The following VWA2 variants were observed in gnomAD, a reference collection of about 807,000 sequenced individuals.
VWA2 encodes von Willebrand factor A domain containing 2.
Under a neutral mutation model 70.4 loss-of-function variants are expected in VWA2, and 73 were observed. The ratio of observed to expected loss-of-function variants is 1.04; its 90% confidence interval spans 0.86 to 1.26. VWA2 has a LOEUF of 1.26. Among genes scored for constraint, VWA2 ranks in the 50% most tolerant of loss-of-function variants. The pLI, the probability that VWA2 is intolerant of heterozygous loss-of-function variation, is 0.00. For missense variants in VWA2, 1,011 were observed against 998.5 expected, an observed-to-expected ratio of 1.01 and a Z score of -0.17; for synonymous variants, 407 against 423.3, an observed-to-expected ratio of 0.96 and a Z score of 0.47.
chr10:114,278,806 C>T lies in VWA2; in HGVS notation c.788C>T (p.Ser263Leu), dbSNP rs147605334. The change falls in exon 8 of 14, where the codon TCG (serine) becomes TTG (leucine). Residue 263 changes from serine to leucine, a missense_variant. Coordinates refer to ENST00000392982, the MANE Select transcript of VWA2 (RefSeq NM_001272046.2). Reference protein sequence around the residue: ...FAGNAPCWRGSRRTLAVLAAH... With the variant: ...FAGNAPCWRGLRRTLAVLAAH... ...GGCAATGCCCCATGCTGGAGAGGAT[C>T]GCGGCGGACCCTTGCGGTGCTGGCT... 72 of 1,613,474 alleles carry T rather than the reference C, an allele frequency of 4.5e-5. No individual in the cohort carries two copies. The highest frequency in any genetic ancestry group is 8.3e-5 in the Admixed American group (5 of 60,006).
In VWA2 at chr10:114,284,985, G is replaced by A. The variant is rs775632082; in HGVS notation, c.997+15G>A. 3.2e-6 allele frequency: 5 copies of A among 1,573,302 alleles called. No homozygotes were observed. The highest frequency in any genetic ancestry group is 2.4e-5 in the East Asian group (1 of 41,884). On this transcript the variant is annotated intron_variant, in intron 10 of 13. Transcript: ENST00000392982. The stretch of plus-strand genomic sequence containing the variant: ...GGCTAACTGTGGTAGGTATGCACCG[G>A]CCCTGCAAGACTGACCACTGGGGAG...
intron 9 of VWA2, among the ~76,000 whole-genome samples, chr10:114,283,528 ATTAGGGT>A (rs1400449320): frequency 1.3e-5 from 2 of 152,224 alleles, no homozygotes; most frequent in African/African-American, 4.8e-5. Flanking sequence ...CTGCTCAGAA[ATTAGGGT>A]TTGAGGACTT....
intron 9 of VWA2, among the ~76,000 whole-genome samples, chr10:114,283,235 A>G (rs981364291): frequency 1.3e-5 from 2 of 152,016 alleles, no homozygotes; most frequent in Non-Finnish European, 2.9e-5. Flanking sequence ...CCCGGAAGCA[A>G]TGCCGGCAGT....
rs369441894 is a variant in VWA2 at position 114,289,465 on chromosome 10, G to A, written c.2098G>A (p.Val700Met). ...CGCCGACCTGCGGTACCACCAGGAC[G>A]TGCTCATTGAGTGGCTGTGTGGAGG... ...AYADLRYHQD[V>M]LIEWLCGEAK... Residue 700 changes from valine (V) to methionine (M), a missense_variant, in exon 12 of 14, where the codon GTG becomes ATG. Val to Met is a conservative substitution (Grantham distance 21). Transcript: ENST00000392982. 3.2e-5 allele frequency: 51 copies of A among 1,614,106 alleles called. No homozygotes were observed. The African/African-American group carries it at 3.9e-4, about 12-fold the overall frequency.
chr10:114,247,591 G>C (rs1346471230), intron 1 of VWA2, among the ~76,000 whole-genome samples: 2 of 151,876 alleles, frequency 1.3e-5, no homozygotes, highest in African/African-American at 4.8e-5. Context: ...GAGCCACCGC[G>C]AAGGGCTTAT....
At chr10:114,284,839 G>A (rs1160134936) in intron 9 of VWA2, 24 bp from the exon 10 acceptor site, 4 of 1,588,926 alleles carry the variant, frequency 2.5e-6, no homozygotes, top group African/African-American at 2.7e-5. Context: ...GGTGCTTAGC[G>A]GTTAATGGGC....
chr10:114,267,024 C>T (rs2037584667), intron 5 of VWA2, among the ~76,000 whole-genome samples: 1 of 152,002 alleles, frequency 6.6e-6, no homozygotes, highest in Admixed American at 6.6e-5. Flanking sequence ...AATTATTCTC[C>T]TAAAAGGTAA....
In VWA2 at chr10:114,246,196, C is replaced by T. The variant is rs997179792; in HGVS notation, c.-10-2508C>T. On this transcript the variant is annotated intron_variant, in intron 1 of 13. Coordinates refer to ENST00000392982, the MANE Select transcript of VWA2 (RefSeq NM_001272046.2). ...TTGAGGCAAACGTACACCAAGAGAC[C>T]TACAAAAGAATATCACGGGTTGGGC... is the stretch of plus-strand genomic sequence containing the variant. 8 of 1,174,442 alleles carry T rather than the reference C, an allele frequency of 6.8e-6. No homozygotes were observed. The Admixed American group carries it at 1.4e-4, about 20-fold the overall frequency. The allele number at this position is 1,174,442 out of a possible 1,614,324, so 72.8% of individuals were successfully genotyped here.
chr10:114,284,293 C>A (rs938731123), intron 9 of VWA2, among the ~76,000 whole-genome samples: 1 of 152,188 alleles, frequency 6.6e-6, no homozygotes, highest in Non-Finnish European at 1.5e-5. Flanking sequence ...AGACTTTCTG[C>A]GGATTAATTC....
chr10:114,291,134 A>ACGT (rs2039556347), intron 13 of VWA2, 84 bp from the exon 14 acceptor site: 1 of 1,491,738 alleles, frequency 6.7e-7, no homozygotes, highest in African/African-American at 1.4e-5. Flanking sequence ...TAAGAGCAGG[A>ACGT]CCTGAAGGGG....
At chr10:114,267,771 C>T (rs1279436912) in intron 5 of VWA2, among the ~76,000 whole-genome samples, 2 of 152,076 alleles carry the variant, frequency 1.3e-5, no homozygotes, top group African/African-American at 4.8e-5. Context: ...TAGTCCGTTT[C>T]ATGGCCTGCT....
intron 6 of VWA2, among the ~76,000 whole-genome samples, chr10:114,276,162 C>A (rs955835204): frequency 6.6e-6 from 1 of 152,156 alleles, no homozygotes; most frequent in Admixed American, 6.5e-5. Context: ...AGAAGCCATT[C>A]CTTGGGAGGG....
intron 5 of VWA2, among the ~76,000 whole-genome samples, chr10:114,264,878 C>G (rs1231106725): frequency 1.3e-5 from 2 of 152,144 alleles, no homozygotes; most frequent in African/African-American, 4.8e-5. Flanking sequence ...CGTCACCATG[C>G]CTGGCTAATT....
intron 5 of VWA2, among the ~76,000 whole-genome samples, chr10:114,261,850 T>C (rs934817129): frequency 1.3e-5 from 2 of 152,214 alleles, no homozygotes; most frequent in East Asian, 3.8e-4. Flanking sequence ...AAAACTTTTA[T>C]TGGCTCATGG....
At chr10:114,253,529 A>G in intron 2 of VWA2, 122 bp from the exon 3 acceptor site, 1 of 813,256 alleles carries the variant, frequency 1.2e-6, no homozygotes. Flanking sequence ...TGCAAGAATC[A>G]TCACTCCCCC....
At chr10:114,264,909 G>A (rs886270565) in intron 5 of VWA2, among the ~76,000 whole-genome samples, 1 of 151,530 alleles carries the variant, frequency 6.6e-6, no homozygotes, top group East Asian at 1.9e-4. Context: ...TAGTAGAGAC[G>A]GGGTTTTGCC....
intron 2 of VWA2, among the ~76,000 whole-genome samples, chr10:114,251,221 T>C (rs1294072379): frequency 6.6e-6 from 1 of 152,264 alleles, no homozygotes; most frequent in Non-Finnish European, 1.5e-5. Context: ...TAGAGGGGGC[T>C]GCCGACTTGG....
At position 114,277,902 on chromosome 10, in the gene VWA2, C is replaced by T. The variant is rs770383425; in HGVS notation, c.567-12C>T. The T allele has an allele frequency of 6.3e-7, 1 of 1,599,304 alleles. No homozygotes were observed. The highest frequency in any genetic ancestry group is 8.5e-7 in the Non-Finnish European group (1 of 1,169,996). The stretch of plus-strand genomic sequence containing the variant: ...GTATAGGACCACAAGCTGTTACAAC[C>T]CCTTGGCACAGGTGGGAGGAGCTGC... On this transcript the variant is annotated splice_polypyrimidine_tract_variant and intron_variant, in intron 6 of 13. Transcript: ENST00000392982.
At chr10:114,288,842 T>C in intron 11 of VWA2, 96 bp from the exon 12 acceptor site, 1 of 1,345,288 alleles carries the variant, frequency 7.4e-7, no homozygotes, top group South Asian at 1.4e-5. Context: ...GCACCCTGGC[T>C]GACCTTGGTC....
Sources: allele counts gnomAD v4.1 joint callset (sites outside exome capture counted in the v4.1 genomes callset), GRCh38; gene constraint gnomAD v4.1.1; transcripts MANE v1.5; gene names NCBI Gene and HGNC (gene_info 2026-07-23, HGNC 2026-07-21).